The following POLN variants were observed in gnomAD, a reference collection of about 807,000 sequenced individuals.
POLN encodes DNA polymerase N.
A neutral mutation model predicts 113.5 loss-of-function variants in POLN; 108 were observed. The observed-to-expected ratio is 0.95, with a 90% confidence interval of 0.81 to 1.12. The LOEUF (loss-of-function observed/expected upper bound fraction) is 1.12. POLN is among the 50% of genes most tolerant of loss of function. The pLI, the probability that POLN is intolerant of heterozygous loss-of-function variation, is 0.00. For synonymous variants in POLN, 386 were observed against 391.5 expected, an observed-to-expected ratio of 0.99 and a Z score of 0.17; for missense variants, 1,097 against 1,077.1, an observed-to-expected ratio of 1.02 and a Z score of -0.26.
chr4:2,113,037 C>T (rs1731234697), intron 19 of POLN, among the ~76,000 whole-genome samples: 1 of 151,874 alleles, frequency 6.6e-6, no homozygotes, highest in Admixed American at 6.6e-5. Context: ...ACATATACAC[C>T]ATGGAATACT....
intron 7 of POLN, among the ~76,000 whole-genome samples, chr4:2,190,174 T>C (rs768459244): frequency 6.6e-6 from 1 of 152,078 alleles, no homozygotes; most frequent in Non-Finnish European, 1.5e-5. Context: ...TACAAAGCTA[T>C]AGTAACCAAG....
intron 12 of POLN, 75 bp downstream of exon 12, chr4:2,171,023 T>C (rs1319273886): frequency 3.8e-6 from 5 of 1,325,914 alleles, no homozygotes; most frequent in Non-Finnish European, 4.2e-6. Context: ...ATAATACTTA[T>C]AAATTCAAAA....
At chr4:2,138,945 T>A (rs1191830892) in intron 16 of POLN, among the ~76,000 whole-genome samples, 6 of 151,702 alleles carry the variant, frequency 4.0e-5, no homozygotes, top group African/African-American at 1.5e-4. Flanking sequence ...TGTGCCTTTT[T>A]TTTTTTTCCT....
chr4:2,233,393 T>C (rs993040961), intron 2 of POLN, among the ~76,000 whole-genome samples: 1 of 152,132 alleles, frequency 6.6e-6, no homozygotes, highest in African/African-American at 2.4e-5. Flanking sequence ...TACCCACTGA[T>C]AAGATTAGAG....
intron 16 of POLN, among the ~76,000 whole-genome samples, chr4:2,133,148 C>CA (rs3045447): frequency 0.18 from 25,698 of 140,564 alleles, 3,181 homozygotes; most frequent in African/African-American, 0.34. Context: ...TAAAAAATGG[C>CA]AAAAAAAAAA....
At chr4:2,206,787 T>C (rs1733855519) in intron 5 of POLN, among the ~76,000 whole-genome samples, 1 of 152,232 alleles carries the variant, frequency 6.6e-6, no homozygotes, top group Admixed American at 6.5e-5. Context: ...GGAACACTTC[T>C]ATACTTCTGG....
At chr4:2,201,527 A>C (rs1272485696) in intron 5 of POLN, among the ~76,000 whole-genome samples, 1 of 152,014 alleles carries the variant, frequency 6.6e-6, no homozygotes, top group Non-Finnish European at 1.5e-5. Flanking sequence ...AACATGAACA[A>C]AGCCTCCAAG....
At chr4:2,095,214 G>A (rs766406002) in intron 20 of POLN, among the ~76,000 whole-genome samples, 6 of 152,020 alleles carry the variant, frequency 3.9e-5, no homozygotes, top group Non-Finnish European at 8.8e-5. Flanking sequence ...AGGGAGAGGA[G>A]CAGAAACAGG....
intron 20 of POLN, 108 bp from the exon 21 acceptor site, chr4:2,085,852 G>T: frequency 6.8e-7 from 1 of 1,475,774 alleles, no homozygotes; most frequent in Non-Finnish European, 9.2e-7. Context: ...TTTCTGATGG[G>T]TTGGGATGGA....
intron 19 of POLN, among the ~76,000 whole-genome samples, chr4:2,120,339 G>A (rs1731409275): frequency 6.6e-6 from 1 of 152,054 alleles, no homozygotes; most frequent in Admixed American, 6.5e-5. Context: ...CCAATTTTGG[G>A]AGAATTGACA....
At chr4:2,075,653 G>C (rs1730257816) in intron 23 of POLN, 134 bp from the exon 24 acceptor site, 1 of 874,762 alleles carries the variant, frequency 1.1e-6, no homozygotes, top group Admixed American at 2.2e-5. Context: ...ATGCAGAGGT[G>C]GGGGCCCATC....
At chr4:2,235,436 A>G (rs765512557) in intron 2 of POLN, among the ~76,000 whole-genome samples, 4 of 152,248 alleles carry the variant, frequency 2.6e-5, no homozygotes, top group Non-Finnish European at 5.9e-5. Context: ...ATATAAGACC[A>G]TCATAGCAGT....
intron 19 of POLN, among the ~76,000 whole-genome samples, chr4:2,119,225 T>C (rs1454482457): frequency 1.3e-5 from 2 of 152,218 alleles, no homozygotes; most frequent in African/African-American, 4.8e-5. Flanking sequence ...TTCTTCTAAG[T>C]TTCAGTCTGA....
intron 7 of POLN, among the ~76,000 whole-genome samples, chr4:2,191,539 T>C (rs1577757363): frequency 6.6e-6 from 1 of 152,098 alleles, no homozygotes; most frequent in African/African-American, 2.4e-5. Flanking sequence ...GTGATAGATA[T>C]CCCATTTACC....
rs1383219517 is a variant in POLN, at chr4:2,110,335, G to A, written c.1983-14402C>T. On this transcript the variant is annotated intron_variant, in intron 19 of 25. Coordinates refer to ENST00000511885, the MANE Select transcript of POLN (RefSeq NM_181808.4). ...TAACATCACAATTAAAAGAACTAGA[G>A]AAGCAAGAGCAAACACATTCAAAAG... Among the ~76,000 whole-genome samples, 12 of 152,098 alleles carry A rather than the reference G, an allele frequency of 7.9e-5. No homozygotes were observed. The South Asian group carries it at 2.5e-3, about 32-fold the overall frequency.
In POLN at chr4:2,162,951, G is replaced by A. The variant is rs73796532; in HGVS notation, c.1555-3740C>T. On this transcript the variant is annotated intron_variant, in intron 13 of 25. Coordinates refer to ENST00000511885, the MANE Select transcript of POLN (RefSeq NM_181808.4). ...CTATGTCCTTAAATAGTGATCCCCC[G>A]CGCCCAGATTATTTTGGCTCTTTTT... Among the ~76,000 whole-genome samples, 348 of 140,776 alleles carry A rather than the reference G, an allele frequency of 2.5e-3. 1 individual carries two copies. Among genetic ancestry groups the A allele is most frequent in the African/African-American group, 8.4e-3 (312 of 37,310 alleles). 92.4% of individuals were successfully genotyped at this position (140,776 alleles called of 152,430 possible). A position where few individuals can be genotyped will look rare whatever the true frequency, so the allele number is the denominator to read the frequency against.
chr4:2,153,291 G>A (rs909035682), intron 16 of POLN, among the ~76,000 whole-genome samples: 2 of 152,220 alleles, frequency 1.3e-5, no homozygotes, highest in African/African-American at 4.8e-5. Context: ...AAGTCAGAAA[G>A]AAAATATGGA....
At chr4:2,147,132 T>C (rs578045738) in intron 16 of POLN, among the ~76,000 whole-genome samples, 1 of 152,232 alleles carries the variant, frequency 6.6e-6, no homozygotes, top group African/African-American at 2.4e-5. Context: ...AAAGAATTCA[T>C]AAGAATACAA....
chr4:2,097,309 G>T (rs772066507), intron 19 of POLN, among the ~76,000 whole-genome samples: 28 of 152,092 alleles, frequency 1.8e-4, no homozygotes, highest in Non-Finnish European at 3.2e-4. Flanking sequence ...TTCAAGATTG[G>T]GGGGTGGGAG....
Sources: allele counts gnomAD v4.1 joint callset (sites outside exome capture counted in the v4.1 genomes callset), GRCh38; gene constraint gnomAD v4.1.1; transcripts MANE v1.5; gene names NCBI Gene and HGNC (gene_info 2026-07-23, HGNC 2026-07-21).